TMEM17: variants seen among roughly 807,000 people sequenced by gnomAD.
TMEM17 encodes transmembrane protein 17.
A neutral mutation model predicts 19.1 loss-of-function variants in TMEM17; 15 were observed. The observed-to-expected ratio is 0.78, with a 90% CI of 0.52 to 1.21. The LOEUF (loss-of-function observed/expected upper bound fraction) is 1.21, where lower values mean the gene tolerates loss of function less well. Among genes scored for constraint, TMEM17 ranks in the 50% most tolerant of loss-of-function variants. TMEM17 has a pLI of 0.00. For synonymous variants in TMEM17, 103 were observed against 86.9 expected (o/e 1.19, Z -1.03); for missense variants, 245 against 242.3 (o/e 1.01, Z -0.07).
the TMEM17 span, among the ~76,000 whole-genome samples, chr2:62,461,501 G>GC: frequency 3.9e-5 from 6 of 152,278 alleles, no homozygotes; most frequent in East Asian, 9.7e-4. Flanking sequence ...ACACTGACTG[G>GC]CAGGGGGTAC....
the TMEM17 span, among the ~76,000 whole-genome samples, chr2:62,457,503 C>G: frequency 3.9e-5 from 6 of 152,168 alleles, no homozygotes; most frequent in African/African-American, 1.4e-4. The surrounding 1 kb of genome is among the most constrained non-coding windows in gnomAD (Gnocchi z 4.2). Flanking sequence ...GCACCGAAAG[C>G]TCTGAGAAGG....
the TMEM17 span, among the ~76,000 whole-genome samples, chr2:62,494,526 T>G: frequency 3.3e-5 from 5 of 152,338 alleles, no homozygotes; most frequent in African/African-American, 1.2e-4. Flanking sequence ...TTTTTCTCTT[T>G]TAGGCTATAA....
At chr2:62,474,771 T>C in the TMEM17 span, among the ~76,000 whole-genome samples, 1 of 152,066 alleles carries the variant, frequency 6.6e-6, no homozygotes, top group African/African-American at 2.4e-5. Flanking sequence ...CCAGTCCCAG[T>C]TAAACTGGGG....
At chr2:62,498,731 T>A (rs866518795), downstream of TMEM17, among the ~76,000 whole-genome samples, 4,257 of 148,324 alleles carry the variant, frequency 0.029, 272 homozygotes, top group African/African-American at 0.095. Flanking sequence ...TAAAATAAAA[T>A]AAAATAAAAT....
chr2:62,490,413 G>A, the TMEM17 span, among the ~76,000 whole-genome samples: 1 of 152,056 alleles, frequency 6.6e-6, no homozygotes, highest in Non-Finnish European at 1.5e-5. Flanking sequence ...ACCAGCATGA[G>A]CCACCATGAC....
downstream of TMEM17, among the ~76,000 whole-genome samples, chr2:62,498,709 C>A (rs1679838072): frequency 6.9e-6 from 1 of 145,118 alleles, no homozygotes; most frequent in African/African-American, 2.6e-5. Context: ...GAGCGAGACT[C>A]CGTCTCAAAA....
the TMEM17 span, among the ~76,000 whole-genome samples, chr2:62,479,032 T>C: frequency 6.6e-6 from 1 of 152,228 alleles, no homozygotes; most frequent in South Asian, 2.1e-4. Flanking sequence ...GTAATTAGCA[T>C]ATGCGTCATC....
chr2:62,487,196 C>T, the TMEM17 span, among the ~76,000 whole-genome samples: 1 of 152,190 alleles, frequency 6.6e-6, no homozygotes, highest in Non-Finnish European at 1.5e-5. Flanking sequence ...GTGCATCTTT[C>T]TGGAGGCTCA....
the TMEM17 span, chr2:62,491,122 A>G: frequency 6.8e-6 from 1 of 146,210 alleles, no homozygotes; most frequent in Non-Finnish European, 1.5e-5. Context: ...CAGTGCAGGA[A>G]CAGTATCTTA....
At position 62,500,895 on chromosome 2, in the gene TMEM17, T is replaced by C. The variant is rs1439112102; in HGVS notation, c.*314A>G. 5 of 230,896 alleles carry C rather than the reference T, an allele frequency of 2.2e-5. No homozygotes were observed. Among genetic ancestry groups the C allele is most frequent in the Non-Finnish European group, 3.4e-5 (4 of 118,678 alleles). The allele number at this position is 230,896 out of a possible 1,614,324, so 14.3% of individuals were successfully genotyped here. ...TGTATACATCTCTAGTTAAAGATTC[T>C]AACCAGAAATGCTACGAGAGAGCTG... On this transcript the variant is annotated 3_prime_UTR_variant, in exon 4 of 4. Transcript: ENST00000335390.
downstream of TMEM17, among the ~76,000 whole-genome samples, chr2:62,497,307 T>C (rs1679801663): frequency 6.6e-6 from 1 of 152,224 alleles, no homozygotes; most frequent in African/African-American, 2.4e-5. Context: ...GATACTCCAC[T>C]GTTTAAACGG....
chr2:62,501,092 G>T lies in TMEM17; in HGVS notation c.*117C>A. 1 of 1,184,326 alleles carries T rather than the reference G, an allele frequency of 8.4e-7. No individual in the cohort carries two copies. Among genetic ancestry groups the T allele is most frequent in the Non-Finnish European group, 1.2e-6 (1 of 845,418 alleles). 73.4% of individuals were successfully genotyped at this position (1,184,326 alleles called of 1,614,324 possible). The stretch of plus-strand genomic sequence containing the variant: ...TTGCCCCCAACCTTGGAATTTCAGA[G>T]TGAGAGCATATACAATTCAAAACAC... On this transcript the variant is annotated 3_prime_UTR_variant, in exon 4 of 4. Coordinates refer to ENST00000335390, the MANE Select transcript of TMEM17 (RefSeq NM_198276.3).
At chr2:62,461,652 C>T in the TMEM17 span, among the ~76,000 whole-genome samples, 2 of 152,236 alleles carry the variant, frequency 1.3e-5, no homozygotes, top group Non-Finnish European at 1.5e-5. Context: ...CCTCTGGGGG[C>T]GTCTATTAAC....
chr2:62,472,066 C>T, the TMEM17 span, among the ~76,000 whole-genome samples: 4 of 152,186 alleles, frequency 2.6e-5, no homozygotes, highest in African/African-American at 7.2e-5. Context: ...GCCTCGGCAG[C>T]AGGTTGCTGA....
At chr2:62,456,469 T>C in the TMEM17 span, among the ~76,000 whole-genome samples, 1 of 152,226 alleles carries the variant, frequency 6.6e-6, no homozygotes, top group Non-Finnish European at 1.5e-5. Context: ...TTCCTCTGCC[T>C]CTCTTTTAGA....
the TMEM17 span, among the ~76,000 whole-genome samples, chr2:62,470,742 G>A: frequency 3.9e-5 from 6 of 152,198 alleles, no homozygotes; most frequent in Non-Finnish European, 8.8e-5. Flanking sequence ...CCCAAAGAAC[G>A]GTCCAGGGGA....
chr2:62,457,933 C>T, the TMEM17 span, among the ~76,000 whole-genome samples: 2 of 152,106 alleles, frequency 1.3e-5, no homozygotes, highest in African/African-American at 4.8e-5. The surrounding 1 kb of genome is among the most constrained non-coding windows in gnomAD (Gnocchi z 4.2). Flanking sequence ...TCTCTAGCCT[C>T]AGAGAAATCA....
At chr2:62,460,515 A>G in the TMEM17 span, among the ~76,000 whole-genome samples, 2 of 152,158 alleles carry the variant, frequency 1.3e-5, no homozygotes, top group African/African-American at 4.8e-5. Context: ...ACATTTCACC[A>G]TTATGTTCCC....
In TMEM17 at chr2:62,500,612, A is replaced by AT. The variant is rs36063898; in HGVS notation, c.*596dup. The AT allele has an allele frequency of 0.27, 39,749 of 144,992 alleles. 5,265 individuals carry two copies. Among genetic ancestry groups the AT allele is most frequent in the East Asian group, 0.3 (1,505 of 4,998 alleles). The allele number at this position is 144,992 out of a possible 1,614,324, so 9.0% of individuals were successfully genotyped here. The stretch of plus-strand genomic sequence containing the variant: ...AGGTGCCTGCAACCACGCCTAGCTA[A>AT]TTTTTTTTTTTTTTGTATTTTTAGT... On this transcript the variant is annotated 3_prime_UTR_variant, in exon 4 of 4. Coordinates refer to ENST00000335390, the MANE Select transcript of TMEM17 (RefSeq NM_198276.3).
Sources: allele counts gnomAD v4.1 joint callset (sites outside exome capture counted in the v4.1 genomes callset), GRCh38; gene constraint gnomAD v4.1.1; non-coding constraint Gnocchi (gnomAD v3.1); transcripts MANE v1.5; gene names NCBI Gene and HGNC (gene_info 2026-07-23, HGNC 2026-07-21).